Variants in TRIP11 observed in about 807,000 individuals in gnomAD.
TRIP11 encodes the protein thyroid receptor-interacting protein 11.
In TRIP11, 148 loss-of-function variants were observed where a neutral mutation model predicts 223.1. The observed-to-expected ratio is 0.66, with a 90% CI of 0.58 to 0.76. TRIP11 has a LOEUF of 0.76. TRIP11 is among the 30% of genes least tolerant of loss of function. The probability of loss-of-function intolerance (pLI) is 0.00; values close to 1 mark genes in which losing one functional copy is unlikely to be tolerated. For synonymous variants in TRIP11, 762 were observed against 772.6 expected (o/e 0.99, Z 0.23); for missense variants, 2,043 against 2,222.0 (o/e 0.92, Z 1.62).
intron 2 of TRIP11, among the ~76,000 whole-genome samples, chr14:92,029,925 C>T (rs956939223): frequency 2.7e-5 from 4 of 150,228 alleles, no homozygotes; most frequent in African/African-American, 7.4e-5. Flanking sequence ...GGGCCGGGCG[C>T]GGTGGCTCAC....
chr14:91,993,988 T>G, intron 14 of TRIP11, 76 bp from the exon 15 acceptor site: 2 of 1,154,178 alleles, frequency 1.7e-6, no homozygotes, highest in Non-Finnish European at 2.6e-6. Context: ...TTTTAAATTT[T>G]AATAATCCAA....
intron 16 of TRIP11, among the ~76,000 whole-genome samples, chr14:91,976,652 C>A (rs1387618939): frequency 1.3e-5 from 2 of 152,098 alleles, no homozygotes; most frequent in Non-Finnish European, 2.9e-5. Context: ...ACAACTAAGA[C>A]CATGGCTCAG....
At chr14:92,027,423 A>C (rs564266844) in intron 2 of TRIP11, among the ~76,000 whole-genome samples, 12 of 152,288 alleles carry the variant, frequency 7.9e-5, no homozygotes, top group Non-Finnish European at 1.6e-4. Context: ...GAGATGGTTA[A>C]AAAGGCCAAA....
intron 16 of TRIP11, among the ~76,000 whole-genome samples, chr14:91,977,909 C>G (rs2056488766): frequency 6.6e-6 from 1 of 152,162 alleles, no homozygotes; most frequent in East Asian, 1.9e-4. Context: ...TATAATAGGC[C>G]AATTTTACCA....
intron 2 of TRIP11, 92 bp from the exon 3 acceptor site, chr14:92,025,512 C>CCCA (rs1448955527): frequency 9.6e-6 from 8 of 837,158 alleles, no homozygotes; most frequent in African/African-American, 5.3e-5. Context: ...ACTGCTTTCC[C>CCCA]CCCCCAAAAA....
In TRIP11 at chr14:92,014,448, A is replaced by G. The variant is rs768186245; in HGVS notation, c.953T>C (p.Ile318Thr). The change falls in exon 7 of 21, where the codon ATA becomes ACA. Residue 318 changes from isoleucine (I) to threonine (T), a missense_variant. Coordinates refer to ENST00000267622, the MANE Select transcript of TRIP11 (RefSeq NM_004239.4). The stretch of plus-strand genomic sequence containing the variant: ...TTCTGCAGAAGATAATTTTTTATTT[A>G]TATCTTTTATTTTATCCTCAAGTTG... ...MEQLEDKIKD[I>T]NKKLSSAEND... 5 of 1,600,560 alleles carry G rather than the reference A, an allele frequency of 3.1e-6. No homozygotes were observed. Among genetic ancestry groups the G allele is most frequent in the Middle Eastern group, 1.9e-4 (1 of 5,392 alleles).
At chr14:92,019,046 CATA>C (rs900470680) in intron 4 of TRIP11, among the ~76,000 whole-genome samples, 2 of 145,236 alleles carry the variant, frequency 1.4e-5, no homozygotes, top group East Asian at 2.0e-4. Flanking sequence ...TAATTATTAA[CATA>C]ATAATATATT....
At chr14:92,029,081 C>T (rs2057226145) in intron 2 of TRIP11, among the ~76,000 whole-genome samples, 1 of 151,982 alleles carries the variant, frequency 6.6e-6, no homozygotes, top group Non-Finnish European at 1.5e-5. Flanking sequence ...ATCATGGGAG[C>T]AAAATCAACT....
Position 91,993,894 on chromosome 14 carries a change from G to A in TRIP11, c.5075C>T (p.Ser1692Phe). ...HFQQEEKAMYSAELEKQKQLI... is the reference protein window; with the variant it reads ...HFQQEEKAMYFAELEKQKQLI... ...CTGTTTTTGCTTTTCGAGTTCAGCA[G>A]AATACATAGCTTTTTCCTCTAAAGA... Residue 1692 changes from serine (S) to phenylalanine (F), a missense_variant, in exon 15 of 21, where the codon TCT (serine) becomes TTT (phenylalanine). Coordinates refer to ENST00000267622, the MANE Select transcript of TRIP11 (RefSeq NM_004239.4). The A allele has an allele frequency of 6.2e-7, 1 of 1,613,054 alleles. No individual in the cohort carries two copies.
rs762368847 is a variant in TRIP11 at position 91,969,676 on chromosome 14, T to C, written c.5937A>G (p.Gln1979=). 4 of 1,612,160 alleles carry C rather than the reference T, an allele frequency of 2.5e-6. No individual in the cohort carries two copies. Among genetic ancestry groups the C allele is most frequent in the Non-Finnish European group, 2.5e-6 (3 of 1,179,994 alleles). Residue 1979 remains glutamine (Q), a synonymous_variant, in exon 21 of 21, where the codon CAA becomes CAG. Coordinates refer to ENST00000267622, the MANE Select transcript of TRIP11 (RefSeq NM_004239.4). The part of the protein sequence containing the change: ...AGVVLKDLLK[Q] The stretch of plus-strand genomic sequence containing the variant: ...TTGTCTCTGGCTTGAGAATCATCTA[T>C]TGCTTTAAAAGGTCTTTCAGCACAA...
intron 9 of TRIP11, among the ~76,000 whole-genome samples, chr14:92,009,843 G>A (rs772821601): frequency 7.2e-5 from 11 of 152,166 alleles, no homozygotes; most frequent in Non-Finnish European, 1.0e-4. Context: ...AATCATACAT[G>A]CATAGACATA....
chr14:92,005,377 C>A lies in TRIP11; in HGVS notation c.2599G>T (p.Glu867Ter). ...SMKEENNHLQ[E>*]ELERLREEQS... ...TCTTCCCTGAGTCGTTCCAATTCTT[C>A]TTGCAGATGATTATTTTCCTCTTTC... The change falls in exon 11 of 21, where the codon GAA becomes TAA. Residue 867 changes from glutamate (E) to a stop codon, truncating the protein, a stop_gained. Transcript: ENST00000267622. LOFTEE classifies it high-confidence loss of function. 1.2e-6 allele frequency: 2 copies of A among 1,614,116 alleles called. No homozygotes were observed. Among genetic ancestry groups the A allele is most frequent in the Non-Finnish European group, 1.7e-6 (2 of 1,180,030 alleles).
At chr14:91,982,974 T>TACGTA (rs200918875) in intron 16 of TRIP11, among the ~76,000 whole-genome samples, 2,819 of 152,284 alleles carry the variant, frequency 0.019, 52 homozygotes, top group South Asian at 0.083. Context: ...GTCAACTGTA[T>TACGTA]CTTCAGCCAG....
intron 16 of TRIP11, chr14:91,976,979 G>A (rs1595366667): frequency 4.3e-6 from 1 of 230,718 alleles, no homozygotes; most frequent in Non-Finnish European, 8.8e-6. Context: ...GTTTACACCT[G>A]TTCTGTTATG....
At position 91,970,001 on chromosome 14, in the gene TRIP11, A is replaced by T. The variant is rs557107018; in HGVS notation, c.5720-108T>A. 161 of 1,102,556 alleles carry T rather than the reference A, an allele frequency of 1.5e-4. No individual in the cohort carries two copies. In the African/African-American group the frequency reaches 2.2e-3, roughly 15 times the overall value. 68.3% of individuals were successfully genotyped at this position (1,102,556 alleles called of 1,614,324 possible). A position where few individuals can be genotyped will look rare whatever the true frequency, so the allele number is the denominator to read the frequency against. On this transcript the variant is annotated intron_variant, in intron 20 of 20. Transcript: ENST00000267622. Reference sequence around the variant, plus strand: ...TTATCTGTGTAATATTGTTAAATTGATTAGCATAGATAAATAAAAATAATC... The same window carrying T: ...TTATCTGTGTAATATTGTTAAATTGTTTAGCATAGATAAATAAAAATAATC...
chr14:92,014,551 G>T lies in TRIP11; in HGVS notation c.850C>A (p.Leu284Ile). ...QGGSGVIETDLSKIYEMQKTI... is the reference protein window; with the variant it reads ...QGGSGVIETDISKIYEMQKTI... Reference sequence around the variant, plus strand: ...TTTTGCATCTCATAGATTTTAGAGAGATCAGTTTCTATAACTCCAGAGCCA... The same window carrying T: ...TTTTGCATCTCATAGATTTTAGAGATATCAGTTTCTATAACTCCAGAGCCA... The change falls in exon 7 of 21, where the codon CTC becomes ATC. Residue 284 changes from leucine to isoleucine, a missense_variant. Transcript: ENST00000267622. The T allele has an allele frequency of 6.2e-7, 1 of 1,603,194 alleles. No individual in the cohort carries two copies.
chr14:91,985,590 T>C (rs10129411), intron 16 of TRIP11, among the ~76,000 whole-genome samples: 1,854 of 152,360 alleles, frequency 0.012, 40 homozygotes, highest in African/African-American at 0.041. Flanking sequence ...TAATATTGTT[T>C]AAATGCTGAA....
chr14:91,981,012 A>ATATTTT (rs1301331303), intron 16 of TRIP11, among the ~76,000 whole-genome samples: 1 of 49,932 alleles, frequency 2.0e-5, no homozygotes, highest in African/African-American at 6.7e-5. Flanking sequence ...ATATATATAT[A>ATATTTT]TTTTTTTTTT....
chr14:91,987,876 C>T (rs1297442326), intron 16 of TRIP11, among the ~76,000 whole-genome samples: 2 of 152,156 alleles, frequency 1.3e-5, no homozygotes, highest in Non-Finnish European at 2.9e-5. Flanking sequence ...CTAGCTATAC[C>T]CAGACATTCA....
Sources: allele counts gnomAD v4.1 joint callset (sites outside exome capture counted in the v4.1 genomes callset), GRCh38; gene constraint gnomAD v4.1.1; transcripts MANE v1.5; gene names NCBI Gene and HGNC (gene_info 2026-07-23, HGNC 2026-07-21).